Variants in FSTL4 observed in about 807,000 individuals in gnomAD.
FSTL4 encodes follistatin-related protein 4.
In FSTL4, 28 loss-of-function variants were observed where a neutral mutation model predicts 78.2. The ratio of observed to expected loss-of-function variants is 0.36; its 90% CI spans 0.27 to 0.49. The LOEUF is 0.49. Among genes scored for constraint, FSTL4 ranks in the 20% least tolerant of loss-of-function variants. FSTL4 has a pLI of 0.98. For synonymous variants in FSTL4, 422 were observed against 440.5 expected, an observed-to-expected ratio of 0.96 and a Z score of 0.53; for missense variants, 922 against 1,084.9, an observed-to-expected ratio of 0.85 and a Z score of 2.11.
chr5:133,620,246 T>A, the FSTL4 span, among the ~76,000 whole-genome samples: 1 of 152,216 alleles, frequency 6.6e-6, no homozygotes, highest in Non-Finnish European at 1.5e-5. Context: ...TTTCTATGTT[T>A]TGTTTATAAA....
intron 2 of FSTL4, among the ~76,000 whole-genome samples, chr5:133,596,286 T>G (rs1760736156): frequency 6.6e-6 from 1 of 152,114 alleles, no homozygotes; most frequent in Non-Finnish European, 1.5e-5. Context: ...GGCTGAAGCG[T>G]GGGTTGTGCT....
the FSTL4 span, among the ~76,000 whole-genome samples, chr5:133,647,543 G>C: frequency 2.6e-5 from 4 of 152,168 alleles, no homozygotes; most frequent in African/African-American, 9.7e-5. Context: ...TTCTGGGGAA[G>C]TCATCTGAAG....
At chr5:133,446,993 C>A (rs141903681) in intron 3 of FSTL4, among the ~76,000 whole-genome samples, 1 of 152,150 alleles carries the variant, frequency 6.6e-6, no homozygotes, top group Admixed American at 6.5e-5. Flanking sequence ...AAAGACAGCT[C>A]CTACAAAGTA....
chr5:133,331,226 C>T (rs1458084546), intron 4 of FSTL4, among the ~76,000 whole-genome samples: 1 of 152,194 alleles, frequency 6.6e-6, no homozygotes. Context: ...GGCAGGTGTG[C>T]CCTGAAATAA....
the FSTL4 span, among the ~76,000 whole-genome samples, chr5:133,657,164 G>A: frequency 8.2e-4 from 125 of 152,272 alleles, no homozygotes; most frequent in African/African-American, 2.8e-3. Context: ...GATGAAGTCC[G>A]CTACGCTGTG....
chr5:133,692,374 G>A, the FSTL4 span, among the ~76,000 whole-genome samples: 1 of 152,170 alleles, frequency 6.6e-6, no homozygotes. Context: ...AACCACTGGG[G>A]GTTTGAGCAG....
chr5:133,398,440 T>C (rs1756129751), intron 4 of FSTL4, among the ~76,000 whole-genome samples: 1 of 152,086 alleles, frequency 6.6e-6, no homozygotes, highest in South Asian at 2.1e-4. Flanking sequence ...ATGTCTTCCT[T>C]ACCCACTCTC....
chr5:133,304,306 G>C (rs1581605465), intron 6 of FSTL4, among the ~76,000 whole-genome samples: 1 of 152,208 alleles, frequency 6.6e-6, no homozygotes, highest in African/African-American at 2.4e-5. Context: ...CATTCAGAGA[G>C]CTCTCTCCTG....
At chr5:133,783,875 G>A in the FSTL4 span, among the ~76,000 whole-genome samples, 96 of 93,820 alleles carry the variant, frequency 1.0e-3, 1 homozygote, top group African/African-American at 3.7e-3. Flanking sequence ...CACTGCCCCC[G>A]CCCACCCCCC....
At chr5:133,752,713 T>C in the FSTL4 span, among the ~76,000 whole-genome samples, 271 of 152,292 alleles carry the variant, frequency 1.8e-3, 1 homozygote, top group Non-Finnish European at 3.3e-3. Flanking sequence ...AAAGTCCTCT[T>C]CCACTGCCTA....
intron 6 of FSTL4, among the ~76,000 whole-genome samples, chr5:133,286,123 T>A (rs944699978): frequency 6.6e-6 from 1 of 152,244 alleles, no homozygotes; most frequent in Non-Finnish European, 1.5e-5. Flanking sequence ...CTGGGTGTGA[T>A]GTTGTGCAGT....
chr5:133,260,594 T>A (rs574241544), intron 6 of FSTL4, among the ~76,000 whole-genome samples: 1 of 152,308 alleles, frequency 6.6e-6, no homozygotes, highest in African/African-American at 2.4e-5. Context: ...GGCCCCTCTC[T>A]AAGCACGGCT....
At chr5:133,251,326 C>T (rs1413697361) in intron 6 of FSTL4, among the ~76,000 whole-genome samples, 2 of 152,214 alleles carry the variant, frequency 1.3e-5, no homozygotes, top group Admixed American at 1.3e-4. Flanking sequence ...GACCACGAGG[C>T]TCCCCTGGGC....
At chr5:133,355,698 C>T (rs1486644516) in intron 4 of FSTL4, among the ~76,000 whole-genome samples, 1 of 152,162 alleles carries the variant, frequency 6.6e-6, no homozygotes, top group Non-Finnish European at 1.5e-5. Context: ...CAAACAACAA[C>T]ACAACAATGC....
At chr5:133,662,841 T>G in the FSTL4 span, among the ~76,000 whole-genome samples, 1 of 152,064 alleles carries the variant, frequency 6.6e-6, no homozygotes, top group Non-Finnish European at 1.5e-5. Context: ...AAGCCAAAGG[T>G]TTACTCATTT....
chr5:133,555,698 A>T (rs1315819871), intron 3 of FSTL4, among the ~76,000 whole-genome samples: 2 of 152,134 alleles, frequency 1.3e-5, no homozygotes, highest in African/African-American at 4.8e-5. Context: ...AGAAACCTCA[A>T]CTCATTTTAT....
At chr5:133,369,107 TGGCA>T (rs1755236214) in intron 4 of FSTL4, among the ~76,000 whole-genome samples, 1 of 152,230 alleles carries the variant, frequency 6.6e-6, no homozygotes, top group African/African-American at 2.4e-5. Context: ...TGCAGGGTTC[TGGCA>T]GGCACACCCA....
the FSTL4 span, among the ~76,000 whole-genome samples, chr5:133,745,455 A>C: frequency 6.6e-6 from 1 of 152,244 alleles, no homozygotes; most frequent in African/African-American, 2.4e-5. Context: ...GGGCTGTGTA[A>C]AATTTATAAA....
rs533460733 is a variant in FSTL4 at position 133,455,493 on chromosome 5, A to G, written c.161-54507T>C. Among the ~76,000 whole-genome samples the G allele has an allele frequency of 1.2e-3, 164 of 138,178 alleles. 2 individuals are homozygous for G. Among genetic ancestry groups the G allele is most frequent in the African/African-American group, 2.4e-3 (88 of 36,684 alleles). 90.7% of individuals were successfully genotyped at this position (138,178 alleles called of 152,430 possible). On this transcript the variant is annotated intron_variant, in intron 3 of 15. Transcript: ENST00000265342. The stretch of plus-strand genomic sequence containing the variant: ...GTTTTTTAAGCATATATATATATAT[A>G]TGTGTACCTCATTGATTACATTTCT...
Sources: gnomAD v4.1 joint callset for allele counts (sites outside exome capture counted in the v4.1 genomes callset) on GRCh38, gnomAD v4.1.1 for gene constraint, MANE v1.5 for transcripts, NCBI Gene and HGNC (gene_info 2026-07-23, HGNC 2026-07-21) for gene names.